Variants in AATK observed in about 807,000 individuals in gnomAD.
The protein encoded by AATK is serine/threonine-protein kinase LMTK1.
A neutral mutation model predicts 114.3 loss-of-function variants in AATK; 91 were observed. The ratio of observed to expected loss-of-function variants is 0.80; its 90% CI spans 0.67 to 0.95. The LOEUF (loss-of-function observed/expected upper bound fraction) is 0.95, where lower values mean the gene tolerates loss of function less well. Ranked by LOEUF, AATK falls within the 40% of genes least tolerant of loss-of-function variation. AATK has a pLI of 0.00. For missense variants in AATK, 2,176 were observed against 1,965.2 expected, an observed-to-expected ratio of 1.11 and a Z score of -2.03; for synonymous variants, 1,075 against 916.5, an observed-to-expected ratio of 1.17 and a Z score of -3.12.
In AATK at chr17:81,127,093, G is replaced by A. The variant is rs1397766117; in HGVS notation, c.621+490C>T. The stretch of plus-strand genomic sequence containing the variant: ...TCGGGGGAGGGGGAGACGGGTCCCC[G>A]GGGCAGGGGGGCGTTGATGGGCAGG... On this transcript the variant is annotated intron_variant, in intron 6 of 13. Transcript: ENST00000326724. Among the ~76,000 whole-genome samples the A allele has an allele frequency of 1.1e-3, 167 of 146,638 alleles. 1 individual carries two copies. Among genetic ancestry groups the A allele is most frequent in the East Asian group, 1.7e-3 (8 of 4,784 alleles).
chr17:81,139,113 C>T (rs944501789), intron 1 of AATK, among the ~76,000 whole-genome samples: 2 of 152,222 alleles, frequency 1.3e-5, no homozygotes, highest in Non-Finnish European at 2.9e-5. Context: ...CTGGCTCAGT[C>T]CCCACTACTG....
At chr17:81,153,825 C>T (rs1373422427) in intron 1 of AATK, among the ~76,000 whole-genome samples, 2 of 152,280 alleles carry the variant, frequency 1.3e-5, no homozygotes, top group East Asian at 1.9e-4. Flanking sequence ...AATCCCAGCA[C>T]TTTGGGAGGC....
Position 81,121,649 on chromosome 17 carries a change from G to A in AATK, c.2287C>T (p.Pro763Ser), listed in dbSNP as rs968733057. The A allele has an allele frequency of 2.7e-6, 4 of 1,499,922 alleles. No homozygotes were observed. Among genetic ancestry groups the A allele is most frequent in the South Asian group, 2.6e-5 (2 of 75,976 alleles). 92.9% of individuals were successfully genotyped at this position (1,499,922 alleles called of 1,614,324 possible). A position where few individuals can be genotyped will look rare whatever the true frequency, so the allele number is the denominator to read the frequency against. ...GLAPAPCLVT[P>S]SWTETASSGG... ...CTACTGGCTGTCTCTGTCCAGGAGG[G>A]TGTAACCAGGCAGGGAGCAGGTGCC... Residue 763 changes from proline to serine, a missense_variant, in exon 11 of 14, where the codon CCC becomes TCC. Physicochemically the swap from Pro to Ser is moderately conservative, Grantham distance 74. Coordinates refer to ENST00000326724, the MANE Select transcript of AATK (RefSeq NM_001080395.3).
chr17:81,160,136 G>T, intron 1 of AATK: 1 of 547,114 alleles, frequency 1.8e-6, no homozygotes, highest in African/African-American at 2.0e-5. Flanking sequence ...CACCTCCGCT[G>T]GCAGGGTCCC....
intron 1 of AATK, among the ~76,000 whole-genome samples, chr17:81,151,460 G>A (rs887731023): frequency 2.0e-5 from 3 of 152,112 alleles, no homozygotes; most frequent in East Asian, 1.9e-4. Flanking sequence ...TGGCTCAGAC[G>A]CATCCGAGGG....
chr17:81,159,031 C>T (rs996330418), intron 1 of AATK, among the ~76,000 whole-genome samples: 9 of 152,184 alleles, frequency 5.9e-5, no homozygotes, highest in African/African-American at 1.2e-4. Flanking sequence ...GCCCAGAGAC[C>T]GAGACAGATC....
chr17:81,127,897 T>A lies in AATK; in HGVS notation c.428A>T (p.Glu143Val), dbSNP rs375081379. ...RGWFGKVFLG[E>V]VNSGISSAQV... ...GGCACTGCTGATGCCAGAGTTCACC[T>A]CCCCCAGGAACACCTGTGGGACAGA... Residue 143 changes from glutamate to valine, a missense_variant, in exon 5 of 14, where the codon GAG (glutamate) becomes GTG (valine). Physicochemically the swap from Glu to Val is moderately radical, Grantham distance 121. This residue lies in a region of AATK where 24 missense variants were observed against 50.9 expected (regional missense o/e 0.47). Coordinates refer to ENST00000326724, the MANE Select transcript of AATK (RefSeq NM_001080395.3). The A allele has an allele frequency of 1.4e-4, 213 of 1,548,540 alleles. 3 individuals carry two copies. Among genetic ancestry groups the A allele is most frequent in the Admixed American group, 2.2e-4 (11 of 50,956 alleles).
rs535865082 is a variant in AATK, at chr17:81,118,329, G to A, written c.*73C>T. The A allele has an allele frequency of 4.7e-5, 70 of 1,490,002 alleles. 2 individuals carry two copies. Among genetic ancestry groups the A allele is most frequent in the South Asian group, 3.1e-4 (25 of 81,748 alleles). 92.3% of individuals were successfully genotyped at this position (1,490,002 alleles called of 1,614,324 possible). A position where few individuals can be genotyped will look rare whatever the true frequency, so the allele number is the denominator to read the frequency against. On this transcript the variant is annotated 3_prime_UTR_variant, in exon 14 of 14. Transcript: ENST00000326724. ...ACCAGGACGTGGTCCCCACCTTCTCGGTCACCATCCTCGCTGCTGCCTGGC... is the reference window on the plus strand; with the variant it reads ...ACCAGGACGTGGTCCCCACCTTCTCAGTCACCATCCTCGCTGCTGCCTGGC...
In AATK at chr17:81,126,809, TC is replaced by T; in HGVS notation, c.622-250del. ...CTCAGCCAGCCCCGGGCAGCAGGAG[TC>T]CCTTGGCCTGTGGTAGAGAGAGAAA... On this transcript the variant is annotated intron_variant, in intron 6 of 13. Transcript: ENST00000326724. This position sits in a 1 kb window ranked among gnomAD's most constrained non-coding sequence, Gnocchi z 5.1. The T allele has an allele frequency of 7.4e-7, 1 of 1,344,864 alleles. No individual in the cohort carries two copies. 83.3% of individuals were successfully genotyped at this position (1,344,864 alleles called of 1,614,324 possible).
At chr17:81,128,373 G>A (rs751888107) in intron 4 of AATK, 97 bp downstream of exon 4, 14 of 1,417,148 alleles carry the variant, frequency 9.9e-6, no homozygotes, top group East Asian at 2.6e-5. Context: ...AGAAGGGACC[G>A]TCGGGGCTGG....
intron 1 of AATK, among the ~76,000 whole-genome samples, chr17:81,150,328 C>G (rs1281061725): frequency 6.6e-6 from 1 of 152,038 alleles, no homozygotes; most frequent in Non-Finnish European, 1.5e-5. Flanking sequence ...TGGGTGGGGA[C>G]AGGCGCCCCA....
At position 81,154,547 on chromosome 17, in the gene AATK, G is replaced by A. The variant is rs1448920026; in HGVS notation, c.55+11391C>T. Among the ~76,000 whole-genome samples the A allele has an allele frequency of 2.7e-5, 3 of 109,130 alleles. 1 individual carries two copies. The highest frequency in any genetic ancestry group is 1.6e-4 in the African/African-American group (3 of 18,582). 71.6% of individuals were successfully genotyped at this position (109,130 alleles called of 152,430 possible). On this transcript the variant is annotated intron_variant, in intron 1 of 13. Coordinates refer to ENST00000326724, the MANE Select transcript of AATK (RefSeq NM_001080395.3). Reference sequence around the variant, plus strand: ...TTGGCCAGGGTGGTCTCAAACTCCTGAGCTCAGGTGATCCACCCACCTTGG... The same window carrying A: ...TTGGCCAGGGTGGTCTCAAACTCCTAAGCTCAGGTGATCCACCCACCTTGG...
chr17:81,129,728 T>C (rs995472198), intron 3 of AATK, among the ~76,000 whole-genome samples: 1 of 152,154 alleles, frequency 6.6e-6, no homozygotes, highest in Non-Finnish European at 1.5e-5. Flanking sequence ...CACCTGCCCC[T>C]GGACCCAAGG....
chr17:81,132,973 G>A (rs560020231), intron 2 of AATK: 34 of 292,226 alleles, frequency 1.2e-4, no homozygotes, highest in Non-Finnish European at 2.0e-4. Flanking sequence ...AGCCCCACTC[G>A]TCCCACCCAG....
chr17:81,142,993 C>T (rs571084494), intron 1 of AATK, among the ~76,000 whole-genome samples: 22 of 152,354 alleles, frequency 1.4e-4, no homozygotes, highest in Admixed American at 9.8e-4. Context: ...CCAGGCACAG[C>T]GTGGCCTGAG....
At chr17:81,153,513 C>A (rs144127164) in intron 1 of AATK, among the ~76,000 whole-genome samples, 1 of 152,146 alleles carries the variant, frequency 6.6e-6, no homozygotes. Context: ...CACCCCGGAG[C>A]GTTCAGGGAA....
In AATK at chr17:81,117,923, A is replaced by AGGGTGGGGGCACAGG. The variant is rs1212823445; in HGVS notation, c.*464_*478dup. 6.5e-6 allele frequency: 1 copy of AGGGTGGGGGCACAGG among 154,556 alleles called. No individual in the cohort carries two copies. Among genetic ancestry groups the AGGGTGGGGGCACAGG allele is most frequent in the African/African-American group, 2.4e-5 (1 of 41,476 alleles). The allele number at this position is 154,556 out of a possible 1,614,324, so 9.6% of individuals were successfully genotyped here. A position where few individuals can be genotyped will look rare whatever the true frequency, so the allele number is the denominator to read the frequency against. ...GCCCTGAGCCACCAGGAACCAGGCA[A>AGGGTGGGGGCACAGG]GGGTGGGGGCACAGGGGGTGGGAAG... On this transcript the variant is annotated 3_prime_UTR_variant, in exon 14 of 14. Transcript: ENST00000326724.
At chr17:81,145,249 A>C (rs1447361863) in intron 1 of AATK, among the ~76,000 whole-genome samples, 1 of 64,098 alleles carries the variant, frequency 1.6e-5, no homozygotes, top group African/African-American at 5.7e-5. Context: ...AAAAAAAAAA[A>C]AGAAAAAGAA....
In AATK at chr17:81,127,106, G is replaced by A. The variant is rs545627544; in HGVS notation, c.621+477C>T. Among the ~76,000 whole-genome samples the A allele has an allele frequency of 5.4e-4, 78 of 145,750 alleles. 1 individual carries two copies. The South Asian group carries it at 0.012, about 21-fold the overall frequency. ...AGACGGGTCCCCGGGGCAGGGGGGC[G>A]TTGATGGGCAGGTCTCAGGGGGAGG... On this transcript the variant is annotated intron_variant, in intron 6 of 13. Transcript: ENST00000326724.
Sources: allele counts gnomAD v4.1 joint callset (sites outside exome capture counted in the v4.1 genomes callset), GRCh38; gene constraint gnomAD v4.1.1; regional missense constraint gnomAD v4.1.1; non-coding constraint Gnocchi (gnomAD v3.1); transcripts MANE v1.5; gene names NCBI Gene and HGNC (gene_info 2026-07-23, HGNC 2026-07-21).